The following RPS3A variants were observed in gnomAD, a reference collection of about 807,000 sequenced individuals.
RPS3A encodes ribosomal protein S3A.
RPS3A carries 1 observed loss-of-function variant against 26.4 expected under a neutral mutation model. That is an observed-to-expected ratio of 0.04 (90% CI 0.01 to 0.18). The LOEUF (loss-of-function observed/expected upper bound fraction) is 0.18, where lower values mean the gene tolerates loss of function less well. RPS3A is among the 10% of genes least tolerant of loss of function. The pLI is 1.00. For missense variants in RPS3A, 139 were observed against 326.8 expected, an observed-to-expected ratio of 0.43 and a Z score of 4.43; for synonymous variants, 97 against 106.1, an observed-to-expected ratio of 0.91 and a Z score of 0.53.
intron 3 of RPS3A, chr4:151,102,666 C>T (rs1747181912): frequency 1.7e-6 from 1 of 579,588 alleles, no homozygotes; most frequent in African/African-American, 1.9e-5. Context: ...TTGAGAGGAC[C>T]TGGTTATTTA....
At chr4:151,100,635 T>C in intron 2 of RPS3A, 47 bp downstream of exon 2, 2 of 1,118,114 alleles carry the variant, frequency 1.8e-6, no homozygotes, top group Non-Finnish European at 1.4e-6. Context: ...TTGGCGCTTG[T>C]ATATTGTAGC....
chr4:151,101,794 G>A (rs905651099), intron 3 of RPS3A, among the ~76,000 whole-genome samples: 4 of 152,062 alleles, frequency 2.6e-5, no homozygotes, highest in East Asian at 1.9e-4. Context: ...GTGCAGTGGC[G>A]CCATCTCTGC....
At chr4:151,104,001 T>C in intron 4 of RPS3A, 176 bp from the exon 5 acceptor site, 1 of 1,504,638 alleles carries the variant, frequency 6.6e-7, no homozygotes, top group Non-Finnish European at 8.9e-7. Flanking sequence ...TCAGATCATC[T>C]ATCCTTTACA....
Position 151,099,701 on chromosome 4 carries a change from G to A in RPS3A, c.49G>A (p.Ala17Thr), listed in dbSNP as rs917153196. ...CCTTACGAAAGGCGGCAAAAAGGGA[G>A]CCAAGAAGAAAGTGTAAGTCGCGAC... Reference protein sequence around the residue: ...KRLTKGGKKGAKKKVVDPFSK... With the variant: ...KRLTKGGKKGTKKKVVDPFSK... Residue 17 changes from alanine (A) to threonine (T), a missense_variant, in exon 1 of 6, where the codon GCC becomes ACC. Coordinates refer to ENST00000274065, the MANE Select transcript of RPS3A (RefSeq NM_001006.5). 3.1e-6 allele frequency: 5 copies of A among 1,613,592 alleles called. No homozygotes were observed. The highest frequency in any genetic ancestry group is 4.2e-6 in the Non-Finnish European group (5 of 1,179,810).
rs539803252 is a variant in RPS3A at position 151,100,136 on chromosome 4, C to T, written c.63-349C>T. Among the ~76,000 whole-genome samples the T allele has an allele frequency of 5.9e-5, 9 of 152,334 alleles. No individual in the cohort carries two copies. In the East Asian group the frequency reaches 1.7e-3, roughly 29 times the overall value. ...CTGCTAAGCTTTGGGGCCATGCAGTCTCTTAGTTACCAGTACATGCCATTA... is the reference window on the plus strand; with the variant it reads ...CTGCTAAGCTTTGGGGCCATGCAGTTTCTTAGTTACCAGTACATGCCATTA... On this transcript the variant is annotated intron_variant, in intron 1 of 5. Transcript: ENST00000274065.
At chr4:151,102,296 G>T (rs752746565) in intron 3 of RPS3A, among the ~76,000 whole-genome samples, 6 of 151,792 alleles carry the variant, frequency 4.0e-5, no homozygotes, top group Non-Finnish European at 2.9e-5. Flanking sequence ...TTCAATTTAG[G>T]CAATAATATG....
chr4:151,102,480 G>A (rs376536832), intron 3 of RPS3A, among the ~76,000 whole-genome samples: 2 of 139,112 alleles, frequency 1.4e-5, no homozygotes, highest in Non-Finnish European at 3.2e-5. Context: ...CTGTAGATGT[G>A]TTCATACCAT....
In RPS3A at chr4:151,100,852, TTTGATAACAAAGGTTAAGGTCTTTATAA is replaced by T. The variant is rs1561164165; in HGVS notation, c.167-120_167-93del. The T allele has an allele frequency of 7.3e-6, 5 of 687,278 alleles. No individual in the cohort carries two copies. In the East Asian group the frequency reaches 1.1e-4, roughly 15 times the overall value. 42.6% of individuals were successfully genotyped at this position (687,278 alleles called of 1,614,324 possible). A position where few individuals can be genotyped will look rare whatever the true frequency, so the allele number is the denominator to read the frequency against. The stretch of plus-strand genomic sequence containing the variant: ...GATAAGTCACTGGTGTCTGGATAGA[TTTGATAACAAAGGTTAAGGTCTTTATAA>T]TTTACCATTAACTTAATTTCTACCC... On this transcript the variant is annotated intron_variant, in intron 2 of 5. Coordinates refer to ENST00000274065, the MANE Select transcript of RPS3A (RefSeq NM_001006.5).
In RPS3A at chr4:151,102,440, AAC is replaced by A. The variant is rs1579557897; in HGVS notation, c.355-427_355-426del. ...AGAGTTATAGCAGTCACCTATTTAC[AAC>A]ACAGTTTTTTGAAAAATGACATAAT... On this transcript the variant is annotated intron_variant, in intron 3 of 5. Transcript: ENST00000274065. Among the ~76,000 whole-genome samples the A allele has an allele frequency of 1.0e-4, 15 of 147,826 alleles. No individual in the cohort carries two copies. In the Admixed American group the frequency reaches 1.1e-3, roughly 10 times the overall value.
chr4:151,102,618 T>C (rs1259035499), intron 3 of RPS3A: 4 of 472,692 alleles, frequency 8.5e-6, no homozygotes, highest in Non-Finnish European at 1.5e-5. Context: ...AAGATAGTGG[T>C]AGTGTTAATG....
chr4:151,099,762 A>G (rs1747031161), intron 1 of RPS3A, 48 bp downstream of exon 1: 1 of 1,567,542 alleles, frequency 6.4e-7, no homozygotes, highest in African/African-American at 1.4e-5. Context: ...GTCTGCTGGA[A>G]TCGGCGGGCT....
intron 3 of RPS3A, 79 bp from the exon 4 acceptor site, chr4:151,102,792 C>T: frequency 6.9e-7 from 1 of 1,457,016 alleles, no homozygotes; most frequent in Non-Finnish European, 9.2e-7. Context: ...TTTGACAATC[C>T]AGCTTTTTAA....
At chr4:151,101,881 C>T (rs192875505) in intron 3 of RPS3A, among the ~76,000 whole-genome samples, 37 of 152,068 alleles carry the variant, frequency 2.4e-4, no homozygotes, top group African/African-American at 8.0e-4. Context: ...TACAGGCACC[C>T]GCCACCACGC....
chr4:151,103,963 T>C, intron 4 of RPS3A: 42 of 1,522,546 alleles, frequency 2.8e-5, no homozygotes, highest in Non-Finnish European at 3.7e-5. Context: ...AAGACTCTAC[T>C]AACTTTGCCA....
At chr4:151,102,515 C>T (rs1358973563) in intron 3 of RPS3A, among the ~76,000 whole-genome samples, 1 of 151,894 alleles carries the variant, frequency 6.6e-6, no homozygotes, top group Admixed American at 6.6e-5. Flanking sequence ...CCTCTCAGAC[C>T]TATTTTCCTC....
Position 151,099,682 on chromosome 4 carries a change from G to A in RPS3A, c.30G>A (p.Thr10=). 6.2e-7 allele frequency: 1 copy of A among 1,613,970 alleles called. No homozygotes were observed. The highest frequency in any genetic ancestry group is 8.5e-7 in the Non-Finnish European group (1 of 1,179,956). The change falls in exon 1 of 6, where the codon ACG becomes ACA. Residue 10 remains threonine (T), a synonymous_variant. Coordinates refer to ENST00000274065, the MANE Select transcript of RPS3A (RefSeq NM_001006.5). MAVGKNKRL[T]KGGKKGAKKK... The stretch of plus-strand genomic sequence containing the variant: ...CGGTTGGCAAGAACAAGCGCCTTAC[G>A]AAAGGCGGCAAAAAGGGAGCCAAGA...
rs776498575 is a variant in RPS3A at position 151,100,473 on chromosome 4, C to T, written c.63-12C>T. The T allele has an allele frequency of 3.7e-5, 54 of 1,441,824 alleles. No individual in the cohort carries two copies. The highest frequency in any genetic ancestry group is 1.8e-4 in the Middle Eastern group (1 of 5,536). 89.3% of individuals were successfully genotyped at this position (1,441,824 alleles called of 1,614,324 possible). A position where few individuals can be genotyped will look rare whatever the true frequency, so the allele number is the denominator to read the frequency against. On this transcript the variant is annotated splice_polypyrimidine_tract_variant and intron_variant, in intron 1 of 5. Transcript: ENST00000274065. ...ATCTGCAATGGAACTTAAGCATCTT[C>T]TTAAAATCCAGGGTTGATCCATTTT...
Position 151,100,547 on chromosome 4 carries a change from G to A in RPS3A, c.125G>A (p.Arg42Lys). The change falls in exon 2 of 6, where the codon AGA (arginine) becomes AAA (lysine). Residue 42 changes from arginine to lysine, a missense_variant. By Grantham distance (26) the Arg-to-Lys change is conservative (BLOSUM62 2). Coordinates refer to ENST00000274065, the MANE Select transcript of RPS3A (RefSeq NM_001006.5). ...AAAGCACCTGCTATGTTCAATATAA[G>A]AAATATTGGAAAGACGCTCGTCACC... Reference protein sequence around the residue: ...DVKAPAMFNIRNIGKTLVTRT... With the variant: ...DVKAPAMFNIKNIGKTLVTRT... 2.5e-6 allele frequency: 4 copies of A among 1,605,210 alleles called. No homozygotes were observed. The highest frequency in any genetic ancestry group is 3.4e-6 in the Non-Finnish European group (4 of 1,171,882).
At chr4:151,099,793 G>T in intron 1 of RPS3A, 79 bp downstream of exon 1, 1 of 1,442,166 alleles carries the variant, frequency 6.9e-7, no homozygotes, top group Non-Finnish European at 9.6e-7. Context: ...CGCGGCGTAG[G>T]CCGGATGGCG....
Sources: allele counts gnomAD v4.1 joint callset (sites outside exome capture counted in the v4.1 genomes callset), GRCh38; gene constraint gnomAD v4.1.1; transcripts MANE v1.5; gene names NCBI Gene and HGNC (gene_info 2026-07-23, HGNC 2026-07-21).